TEX10: variants seen among roughly 807,000 people sequenced by gnomAD.
The protein encoded by TEX10 is testis-expressed protein 10.
TEX10 carries 24 observed loss-of-function variants against 104.4 expected under a neutral mutation model. That is an observed-to-expected ratio of 0.23 (90% CI 0.17 to 0.32). The LOEUF is 0.32. TEX10 is among the 10% of genes least tolerant of loss of function. The pLI is 1.00. For missense variants in TEX10, 921 were observed against 1,083.9 expected (o/e 0.85, Z 2.11); for synonymous variants, 396 against 393.4 (o/e 1.01, Z -0.08).
At chr9:100,320,105 GT>G (rs1223161439) in intron 11 of TEX10, among the ~76,000 whole-genome samples, 159 bp downstream of exon 11, 1 of 152,158 alleles carries the variant, frequency 6.6e-6, no homozygotes, top group Non-Finnish European at 1.5e-5. Flanking sequence ...TATAAAGAAT[GT>G]TTCCCTTTTC....
chr9:100,352,558 T>C (rs955878332), intron 1 of TEX10: 36 of 1,541,126 alleles, frequency 2.3e-5, no homozygotes, highest in Middle Eastern at 3.4e-4. Context: ...CCCAGTCACC[T>C]GAAGCTCCGC....
chr9:100,316,549 A>G (rs1564205805), intron 11 of TEX10, among the ~76,000 whole-genome samples: 1 of 152,184 alleles, frequency 6.6e-6, no homozygotes, highest in Non-Finnish European at 1.5e-5. Flanking sequence ...AAGAGAAAAA[A>G]AATAAAAGAC....
chr9:100,316,560 A>C (rs1834422917), intron 11 of TEX10, among the ~76,000 whole-genome samples: 2 of 152,222 alleles, frequency 1.3e-5, no homozygotes, highest in African/African-American at 4.8e-5. Context: ...AATAAAAGAC[A>C]TCCAAATTGG....
At position 100,347,198 on chromosome 9, in the gene TEX10, C is replaced by G; in HGVS notation, c.389G>C (p.Arg130Pro). 6.2e-7 allele frequency: 1 copy of G among 1,613,936 alleles called. No individual in the cohort carries two copies. Among genetic ancestry groups the G allele is most frequent in the Non-Finnish European group, 8.5e-7 (1 of 1,179,918 alleles). ...QLLQFLAPKIRAEQISPFFPL... is the reference protein window; with the variant it reads ...QLLQFLAPKIPAEQISPFFPL... ...AAAAAATGGAGAAATTTGTTCAGCT[C>G]GTATTTTGGGGGCCAGGAATTGAAG... The change falls in exon 3 of 15, where the codon CGA (arginine) becomes CCA (proline). Residue 130 changes from arginine to proline, a missense_variant. By Grantham distance (103) the Arg-to-Pro change is moderately radical. Around this residue, in one of 3 missense-constraint regions of TEX10, gnomAD observed 50 missense variants for 104.2 expected, o/e 0.48. Transcript: ENST00000374902.
At chr9:100,331,410 C>T (rs1588178676) in intron 5 of TEX10, among the ~76,000 whole-genome samples, 1 of 152,204 alleles carries the variant, frequency 6.6e-6, no homozygotes, top group East Asian at 1.9e-4. Flanking sequence ...GCACTCCAAC[C>T]TGGGCAACAA....
intron 4 of TEX10, 122 bp from the exon 5 acceptor site, chr9:100,340,491 AT>A: frequency 3.6e-6 from 2 of 554,756 alleles, no homozygotes; most frequent in Non-Finnish European, 6.1e-6. Context: ...TCTACCAGTA[AT>A]ATAATATGTA....
intron 9 of TEX10, among the ~76,000 whole-genome samples, chr9:100,323,168 A>G (rs1834614690): frequency 1.3e-5 from 2 of 152,348 alleles, no homozygotes; most frequent in South Asian, 4.1e-4. Context: ...TTTATTTAAC[A>G]GCCTATTTAA....
intron 5 of TEX10, among the ~76,000 whole-genome samples, chr9:100,338,365 T>C (rs748067891): frequency 4.8e-4 from 73 of 152,208 alleles, no homozygotes; most frequent in Admixed American, 1.8e-3. Context: ...TTCAGAGTAC[T>C]GGGCCCCAGC....
intron 2 of TEX10, 113 bp from the exon 3 acceptor site, chr9:100,347,519 T>G (rs1564222350): frequency 5.6e-6 from 4 of 708,378 alleles, no homozygotes; most frequent in Non-Finnish European, 8.7e-6. Context: ...GGAAACTGCT[T>G]CAATAAGTAC....
chr9:100,303,699 T>C lies in TEX10; in HGVS notation c.2609A>G (p.His870Arg). 1 of 1,614,128 alleles carries C rather than the reference T, an allele frequency of 6.2e-7. No homozygotes were observed. The highest frequency in any genetic ancestry group is 8.5e-7 in the Non-Finnish European group (1 of 1,180,030). The change falls in exon 14 of 15, where the codon CAT becomes CGT. Residue 870 changes from histidine (H) to arginine (R), a missense_variant. This residue lies in a region of TEX10 where 753 missense variants were observed against 868.4 expected (regional missense o/e 0.87). Coordinates refer to ENST00000374902, the MANE Select transcript of TEX10 (RefSeq NM_017746.4). ...VGQLLRLLLQ[H>R]APLRTHMLTN... ...CAACATATGAGTCCTGAGGGGTGCA[T>C]GCTGAAGCAGCAGTCGAAGCAGCTG...
chr9:100,327,998 C>A, intron 7 of TEX10, 36 bp from the exon 8 acceptor site: 2 of 1,434,752 alleles, frequency 1.4e-6, no homozygotes, highest in South Asian at 1.7e-5. Context: ...ATGTAATACT[C>A]AAAGACAAGG....
chr9:100,340,470 A>G (rs1835145848), intron 4 of TEX10, 101 bp from the exon 5 acceptor site: 1 of 678,988 alleles, frequency 1.5e-6, no homozygotes, highest in Non-Finnish European at 2.4e-6. Flanking sequence ...ATGTCCCATC[A>G]TAATTCACTT....
chr9:100,313,513 C>CAA (rs34520951), intron 11 of TEX10, among the ~76,000 whole-genome samples: 2 of 108,922 alleles, frequency 1.8e-5, no homozygotes, highest in Admixed American at 9.5e-5. Context: ...GAAACTTGGT[C>CAA]AAAAAAAAAA....
At chr9:100,302,935 C>CG (rs1302626920) in intron 14 of TEX10, among the ~76,000 whole-genome samples, 3 of 146,256 alleles carry the variant, frequency 2.1e-5, no homozygotes, top group South Asian at 2.2e-4. Context: ...ACCGCCCCCC[C>CG]CCCAAACTAA....
At chr9:100,311,441 TTC>T (rs1032187717) in intron 11 of TEX10, among the ~76,000 whole-genome samples, 31 of 152,164 alleles carry the variant, frequency 2.0e-4, no homozygotes, top group African/African-American at 7.5e-4. Context: ...TGTATGTCAT[TTC>T]TGTTTCCTAA....
At chr9:100,314,734 T>C (rs373881407) in intron 11 of TEX10, among the ~76,000 whole-genome samples, 1 of 152,202 alleles carries the variant, frequency 6.6e-6, no homozygotes, top group South Asian at 2.1e-4. Context: ...CTAATCTTTG[T>C]TATTTCTTGT....
At position 100,346,679 on chromosome 9, in the gene TEX10, T is replaced by C; in HGVS notation, c.893+15A>G. The C allele has an allele frequency of 6.3e-7, 1 of 1,592,908 alleles. No individual in the cohort carries two copies. Among genetic ancestry groups the C allele is most frequent in the Non-Finnish European group, 8.5e-7 (1 of 1,169,774 alleles). ...TACAGCAAAACTGTGTGGACATAAC[T>C]GAAATCCTTCTTACCGTAGCCTGAA... is the stretch of plus-strand genomic sequence containing the variant. On this transcript the variant is annotated intron_variant, in intron 3 of 14. Transcript: ENST00000374902.
At position 100,346,217 on chromosome 9, in the gene TEX10, C is replaced by A. The variant is rs573623917; in HGVS notation, c.992G>T (p.Cys331Phe). 6.2e-7 allele frequency: 1 copy of A among 1,614,000 alleles called. No homozygotes were observed. The highest frequency in any genetic ancestry group is 1.3e-5 in the African/African-American group (1 of 75,024). The change falls in exon 4 of 15, where the codon TGC becomes TTC. Residue 331 changes from cysteine (C) to phenylalanine (F), a missense_variant. Physicochemically the swap from Cys to Phe is radical, Grantham distance 205. Around this residue, in one of 3 missense-constraint regions of TEX10, gnomAD observed 753 missense variants for 868.4 expected, o/e 0.87. Coordinates refer to ENST00000374902, the MANE Select transcript of TEX10 (RefSeq NM_017746.4). Reference sequence around the variant, plus strand: ...TTGTGGAGGTACAGCTTCAACCCAGCATTCAATTAGCAATGGAATTATTAT... The same window carrying A: ...TTGTGGAGGTACAGCTTCAACCCAGAATTCAATTAGCAATGGAATTATTAT... ...IEIIIPLLIE[C>F]WVEAVPPQLA...
chr9:100,313,054 T>A (rs564050444), intron 11 of TEX10, among the ~76,000 whole-genome samples: 2 of 152,184 alleles, frequency 1.3e-5, no homozygotes, highest in South Asian at 4.2e-4. Context: ...CAACAAAAGA[T>A]TAGGTTGTAA....
Sources: gnomAD v4.1 joint callset for allele counts (sites outside exome capture counted in the v4.1 genomes callset) on GRCh38, gnomAD v4.1.1 for gene constraint, gnomAD v4.1.1 regional missense constraint, MANE v1.5 for transcripts, NCBI Gene and HGNC (gene_info 2026-07-23, HGNC 2026-07-21) for gene names.